Variants in CTNNA2 observed in about 807,000 individuals in gnomAD.
CTNNA2 encodes the protein catenin alpha-2.
In CTNNA2, 42 loss-of-function variants were observed where a neutral mutation model predicts 101.0. The observed-to-expected ratio is 0.42, with a 90% CI of 0.32 to 0.54. The LOEUF (loss-of-function observed/expected upper bound fraction) is 0.54, where lower values mean the gene tolerates loss of function less well. Among genes scored for constraint, CTNNA2 ranks in the 20% least tolerant of loss-of-function variants. The pLI is 0.14. For synonymous variants in CTNNA2, 450 were observed against 456.4 expected (o/e 0.99, Z 0.18); for missense variants, 871 against 1,223.1 (o/e 0.71, Z 4.29).
chr2:79,728,222 C>T (rs1418641456), intron 2 of CTNNA2, among the ~76,000 whole-genome samples: 5 of 152,114 alleles, frequency 3.3e-5, no homozygotes, highest in Non-Finnish European at 5.9e-5. Context: ...TATTTCTCCA[C>T]ATCCTCTCCA....
At chr2:80,592,145 GA>G (rs946320500) in intron 15 of CTNNA2, among the ~76,000 whole-genome samples, 7 of 151,332 alleles carry the variant, frequency 4.6e-5, no homozygotes, top group Non-Finnish European at 8.9e-5. Context: ...TTGAGACTAA[GA>G]AAAAAAAACT....
At chr2:80,377,566 G>A (rs2149343310) in intron 7 of CTNNA2, among the ~76,000 whole-genome samples, 1 of 152,308 alleles carries the variant, frequency 6.6e-6, no homozygotes, top group African/African-American at 2.4e-5. Context: ...AGGAAAGGAA[G>A]GCATGTGGGA....
chr2:79,669,522 G>A (rs1682676304), intron 2 of CTNNA2, among the ~76,000 whole-genome samples: 1 of 152,126 alleles, frequency 6.6e-6, no homozygotes, highest in Non-Finnish European at 1.5e-5. Context: ...AGTGTTAGAC[G>A]AGCTCAGAGG....
At chr2:80,042,322 T>C (rs1453437541) in intron 7 of CTNNA2, among the ~76,000 whole-genome samples, 1 of 152,200 alleles carries the variant, frequency 6.6e-6, no homozygotes. Context: ...TTTTTAACCA[T>C]TCTTAATGAT....
chr2:79,735,278 G>C (rs1004726892), intron 2 of CTNNA2, among the ~76,000 whole-genome samples: 1 of 152,070 alleles, frequency 6.6e-6, no homozygotes, highest in Non-Finnish European at 1.5e-5. Flanking sequence ...AGGGAAAATT[G>C]AGTTTCTTCT....
intron 7 of CTNNA2, among the ~76,000 whole-genome samples, chr2:80,256,404 C>T (rs76145416): frequency 0.062 from 9,474 of 152,100 alleles, 471 homozygotes; most frequent in South Asian, 0.29. Flanking sequence ...GAGACAGCTG[C>T]GGCACATCTG....
chr2:80,124,090 A>G (rs1701991299), intron 7 of CTNNA2, among the ~76,000 whole-genome samples: 1 of 152,042 alleles, frequency 6.6e-6, no homozygotes, highest in South Asian at 2.1e-4. Context: ...TCTCACATCC[A>G]TCCCTATAGT....
intron 7 of CTNNA2, among the ~76,000 whole-genome samples, chr2:80,165,724 A>T (rs1047598406): frequency 1.3e-5 from 2 of 152,130 alleles, no homozygotes; most frequent in African/African-American, 4.8e-5. Flanking sequence ...GCCTCTTCTG[A>T]TGTCATGTCA....
chr2:80,484,814 G>T (rs1301179760), intron 9 of CTNNA2, among the ~76,000 whole-genome samples: 2 of 152,070 alleles, frequency 1.3e-5, no homozygotes, highest in South Asian at 2.1e-4. Flanking sequence ...AGACCATCCT[G>T]GCTACCACGG....
intron 16 of CTNNA2, among the ~76,000 whole-genome samples, chr2:80,606,793 T>G (rs976820702): frequency 1.3e-5 from 2 of 151,934 alleles, no homozygotes; most frequent in Non-Finnish European, 2.9e-5. Flanking sequence ...TTTTACGGAC[T>G]GTTGCATTTT....
At chr2:79,961,512 G>C (rs1689622283) in intron 7 of CTNNA2, among the ~76,000 whole-genome samples, 1 of 152,186 alleles carries the variant, frequency 6.6e-6, no homozygotes, top group African/African-American at 2.4e-5. Flanking sequence ...TAGCGAAAAA[G>C]TAGGCGAGGT....
intron 6 of CTNNA2, among the ~76,000 whole-genome samples, chr2:79,880,860 G>A (rs1683375937): frequency 1.3e-5 from 2 of 151,880 alleles, no homozygotes; most frequent in African/African-American, 4.8e-5. Context: ...TATTCTGCTA[G>A]CTATTGGATT....
At chr2:80,437,577 C>T (rs928786732) in intron 9 of CTNNA2, among the ~76,000 whole-genome samples, 2 of 152,064 alleles carry the variant, frequency 1.3e-5, no homozygotes, top group Non-Finnish European at 2.9e-5. Context: ...GCTTATTTAC[C>T]GAGTCTAATT....
intron 7 of CTNNA2, among the ~76,000 whole-genome samples, chr2:80,375,752 A>G (rs1573883489): frequency 1.3e-5 from 2 of 151,484 alleles, no homozygotes; most frequent in African/African-American, 4.9e-5. Context: ...TTTAGTAGAA[A>G]CAGGGTTTTA....
chr2:79,799,219 T>C (rs1264454359), intron 3 of CTNNA2, among the ~76,000 whole-genome samples: 1 of 151,564 alleles, frequency 6.6e-6, no homozygotes, highest in African/African-American at 2.4e-5. Flanking sequence ...TCATTCCCCC[T>C]CTTCTTAAAT....
At chr2:79,513,758 C>G (rs1262179988) in intron 1 of CTNNA2, among the ~76,000 whole-genome samples, 2 of 152,198 alleles carry the variant, frequency 1.3e-5, no homozygotes, top group Non-Finnish European at 2.9e-5. Context: ...AGGGTTGTCA[C>G]TTGGACATGC....
At chr2:79,679,478 C>T (rs1573654801) in intron 2 of CTNNA2, among the ~76,000 whole-genome samples, 1 of 152,042 alleles carries the variant, frequency 6.6e-6, no homozygotes, top group East Asian at 1.9e-4. Flanking sequence ...CCATGGCGGT[C>T]ATGAAAGACT....
chr2:80,371,056 A>G lies in CTNNA2; in HGVS notation c.1057-22155A>G, dbSNP rs983853614. Among the ~76,000 whole-genome samples, 6 of 141,836 alleles carry G rather than the reference A, an allele frequency of 4.2e-5. No homozygotes were observed. In the East Asian group the frequency reaches 9.4e-4, roughly 22 times the overall value. The allele number at this position is 141,836 out of a possible 152,430, so 93.0% of individuals were successfully genotyped here. On this transcript the variant is annotated intron_variant, in intron 7 of 18. Coordinates refer to ENST00000402739, the MANE Select transcript of CTNNA2 (RefSeq NM_001282597.3). The stretch of plus-strand genomic sequence containing the variant: ...TTTTCACTTTCTTTTCTGTATCCCT[A>G]TATCTTCAGAGTTAAGAATGTTCTT...
intron 7 of CTNNA2, among the ~76,000 whole-genome samples, chr2:79,922,323 C>T (rs1369040388): frequency 2.6e-5 from 4 of 152,066 alleles, no homozygotes; most frequent in African/African-American, 7.2e-5. Context: ...AAGACATTGG[C>T]CTTTTTTATT....
Sources: allele counts gnomAD v4.1 joint callset (sites outside exome capture counted in the v4.1 genomes callset), GRCh38; gene constraint gnomAD v4.1.1; transcripts MANE v1.5; gene names NCBI Gene and HGNC (gene_info 2026-07-23, HGNC 2026-07-21).